Variants in HDAC4 observed in about 807,000 individuals in gnomAD.
HDAC4 encodes the protein histone deacetylase 4.
In HDAC4, 16 loss-of-function variants were observed where a neutral mutation model predicts 135.1. The observed-to-expected ratio is 0.12, with a 90% CI of 0.08 to 0.18. HDAC4 has a LOEUF of 0.18. Ranked by LOEUF, HDAC4 falls within the 10% of genes least tolerant of loss-of-function variation. The pLI is 1.00. For synonymous variants in HDAC4, 685 were observed against 653.4 expected (o/e 1.05, Z -0.74); for missense variants, 1,143 against 1,511.8 (o/e 0.76, Z 4.05).
At chr2:239,334,567 C>A (rs1202613215) in intron 2 of HDAC4, among the ~76,000 whole-genome samples, 1 of 151,298 alleles carries the variant, frequency 6.6e-6, no homozygotes, top group Non-Finnish European at 1.5e-5. Flanking sequence ...CTGAAAATTA[C>A]AAAATATGAT....
chr2:239,335,508 C>CAAAAAAA (rs61007856), intron 2 of HDAC4, among the ~76,000 whole-genome samples: 2 of 59,382 alleles, frequency 3.4e-5, no homozygotes, highest in Non-Finnish European at 7.4e-5. Flanking sequence ...ATCTGTTCAG[C>CAAAAAAA]AAAAAAAAAA....
At chr2:239,328,344 C>T (rs755875189) in intron 2 of HDAC4, among the ~76,000 whole-genome samples, 3 of 152,208 alleles carry the variant, frequency 2.0e-5, no homozygotes, top group African/African-American at 4.8e-5. Context: ...GACCTCCTGA[C>T]GATCTCAAAC....
chr2:239,074,001 G>C (rs1433624385), intron 22 of HDAC4, among the ~76,000 whole-genome samples: 2 of 146,852 alleles, frequency 1.4e-5, no homozygotes, highest in Admixed American at 1.3e-4. Context: ...GCAGGACTGA[G>C]GGGGGCAGCA....
At chr2:239,098,552 G>A (rs989835815) in intron 16 of HDAC4, among the ~76,000 whole-genome samples, 1 of 152,260 alleles carries the variant, frequency 6.6e-6, no homozygotes, top group Admixed American at 6.5e-5. Flanking sequence ...GATGAGCCAC[G>A]TGACTTTCAG....
intron 3 of HDAC4, among the ~76,000 whole-genome samples, chr2:239,209,324 G>C (rs1051543147): frequency 6.6e-6 from 1 of 152,228 alleles, no homozygotes; most frequent in Non-Finnish European, 1.5e-5. Context: ...GATCTTAAAA[G>C]CTGAATATAA....
intron 1 of HDAC4, among the ~76,000 whole-genome samples, chr2:239,371,418 CACA>C (rs1055291310): frequency 3.3e-5 from 5 of 152,094 alleles, no homozygotes; most frequent in African/African-American, 4.8e-5. Context: ...CATGCACTTA[CACA>C]ACCTCAAACT....
chr2:239,266,886 G>A (rs2049766422), intron 2 of HDAC4, among the ~76,000 whole-genome samples: 1 of 152,132 alleles, frequency 6.6e-6, no homozygotes, highest in Non-Finnish European at 1.5e-5. Flanking sequence ...GCCTTCCCCA[G>A]GGGACACCAG....
chr2:239,272,139 A>G (rs886588332), intron 2 of HDAC4, among the ~76,000 whole-genome samples: 6 of 152,224 alleles, frequency 3.9e-5, no homozygotes, highest in African/African-American at 1.4e-4. Context: ...TGGCTGGGCA[A>G]TAAAATCTGC....
chr2:239,345,848 GCACT>G (rs1192417718), intron 2 of HDAC4, among the ~76,000 whole-genome samples: 3 of 123,684 alleles, frequency 2.4e-5, no homozygotes, highest in East Asian at 2.6e-4. Context: ...TCACACACAT[GCACT>G]CAAACACACA....
intron 2 of HDAC4, among the ~76,000 whole-genome samples, chr2:239,319,002 C>A (rs1167679107): frequency 6.6e-6 from 1 of 152,146 alleles, no homozygotes; most frequent in Non-Finnish European, 1.5e-5. Context: ...ATCCTCAGAG[C>A]CCTGGGGAAG....
At chr2:239,344,145 C>G (rs1692472694) in intron 2 of HDAC4, among the ~76,000 whole-genome samples, 1 of 152,148 alleles carries the variant, frequency 6.6e-6, no homozygotes, top group Non-Finnish European at 1.5e-5. Flanking sequence ...CCGGAGGCAG[C>G]CACGCACCTG....
chr2:239,337,183 C>T (rs574940518), intron 2 of HDAC4, among the ~76,000 whole-genome samples: 19 of 152,172 alleles, frequency 1.2e-4, no homozygotes, highest in Non-Finnish European at 2.2e-4. Flanking sequence ...TTTTACTGAA[C>T]AGCAGGTTGT....
chr2:239,113,105 C>G (rs753873280), intron 13 of HDAC4, among the ~76,000 whole-genome samples: 2 of 152,190 alleles, frequency 1.3e-5, no homozygotes, highest in African/African-American at 4.8e-5. Context: ...AAAAAATTAG[C>G]CAGGCGTGAT....
In HDAC4 at chr2:239,115,472, C is replaced by T. The variant is rs997280561; in HGVS notation, c.1534-162G>A. Among the ~76,000 whole-genome samples the T allele has an allele frequency of 6.6e-6, 1 of 152,200 alleles. No homozygotes were observed. Among genetic ancestry groups the T allele is most frequent in the African/African-American group, 2.4e-5 (1 of 41,458 alleles). ...GCCAGCAGGCACCTTTATCTCCCAA[C>T]AGGCACTGGGGTGCCTGAGTGCCTA... is the stretch of plus-strand genomic sequence containing the variant. On this transcript the variant is annotated intron_variant, in intron 12 of 26. Transcript: ENST00000543185. This position sits in a 1 kb window ranked among gnomAD's most constrained non-coding sequence, Gnocchi z 6.3.
chr2:239,084,845 C>T lies in HDAC4; in HGVS notation c.2445-603G>A, dbSNP rs370392427. 4.0e-5 allele frequency among the ~76,000 whole-genome samples: 6 copies of T among 151,360 alleles called. No homozygotes were observed. The East Asian group carries it at 9.7e-4, about 24-fold the overall frequency. ...GAGACACACACACCATGCAAACGCC[C>T]TACACACATATATGCCCCACAGATA... On this transcript the variant is annotated intron_variant, in intron 19 of 26. Transcript: ENST00000543185.
rs1691559576 is a variant in HDAC4 at position 239,331,349 on chromosome 2, T to C, written c.22+21329A>G. Reference sequence around the variant, plus strand: ...GGGTGGGGTGGCCCTGCCCACTGCATTTCTGGTCAGGGAGATTTTAGAGCA... The same window carrying C: ...GGGTGGGGTGGCCCTGCCCACTGCACTTCTGGTCAGGGAGATTTTAGAGCA... On this transcript the variant is annotated intron_variant, in intron 2 of 26. Transcript: ENST00000543185. This position sits in a 1 kb window ranked among gnomAD's most constrained non-coding sequence, Gnocchi z 4.5. 6.6e-6 allele frequency among the ~76,000 whole-genome samples: 1 copy of C among 152,162 alleles called. No individual in the cohort carries two copies. The highest frequency in any genetic ancestry group is 2.4e-5 in the African/African-American group (1 of 41,432).
intron 8 of HDAC4, among the ~76,000 whole-genome samples, chr2:239,142,740 C>T (rs1465652890): frequency 6.6e-6 from 1 of 151,092 alleles, no homozygotes; most frequent in African/African-American, 2.4e-5. Flanking sequence ...CTGATCAAGC[C>T]CTGTCACACA....
At position 239,307,703 on chromosome 2, in the gene HDAC4, T is replaced by C. The variant is rs1397159941; in HGVS notation, c.22+44975A>G. ...CAGATGACGTTCTCATGACCGCACT[T>C]GGTCTAAGCAAATGCTGCTGGGATG... is the stretch of plus-strand genomic sequence containing the variant. On this transcript the variant is annotated intron_variant, in intron 2 of 26. Transcript: ENST00000543185. The surrounding 1 kb of genome is among the most constrained non-coding windows in gnomAD (Gnocchi z 4.8). 6.6e-6 allele frequency among the ~76,000 whole-genome samples: 1 copy of C among 152,074 alleles called. No individual in the cohort carries two copies. The highest frequency in any genetic ancestry group is 1.5e-5 in the Non-Finnish European group (1 of 68,000).
In HDAC4 at chr2:239,082,140, C is replaced by T. The variant is rs754328651; in HGVS notation, c.2614G>A (p.Asp872Asn). ...CCGCTGCCTGGGAAGAAGTTCCCATCGTCGTAGCGGTGGAGGGACATGTAC... is the reference window on the plus strand; with the variant it reads ...CCGCTGCCTGGGAAGAAGTTCCCATTGTCGTAGCGGTGGAGGGACATGTAC... ...VLYMSLHRYD[D>N]GNFFPGSGAP... The change falls in exon 21 of 27, where the codon GAT (aspartate) becomes AAT (asparagine). Residue 872 changes from aspartate (D) to asparagine (N), a missense_variant. Coordinates refer to ENST00000543185, the MANE Select transcript of HDAC4 (RefSeq NM_001378414.1). The T allele has an allele frequency of 1.1e-5, 17 of 1,614,002 alleles. No individual in the cohort carries two copies. The highest frequency in any genetic ancestry group is 1.7e-4 in the Middle Eastern group (1 of 6,060).
Sources: gnomAD v4.1 joint callset for allele counts (sites outside exome capture counted in the v4.1 genomes callset) on GRCh38, gnomAD v4.1.1 for gene constraint, Gnocchi (gnomAD v3.1) non-coding constraint, MANE v1.5 for transcripts, NCBI Gene and HGNC (gene_info 2026-07-23, HGNC 2026-07-21) for gene names.